SMS: variants seen among roughly 807,000 people sequenced by gnomAD.
SMS encodes the protein spermidine aminopropyltransferase.
In SMS, 3 loss-of-function variants were observed where a neutral mutation model predicts 33.0. The ratio of observed to expected loss-of-function variants is 0.09; its 90% CI spans 0.04 to 0.23. The LOEUF is 0.23. Ranked by LOEUF, SMS falls within the 10% of genes least tolerant of loss-of-function variation. The pLI, the probability that SMS is intolerant of heterozygous loss-of-function variation, is 1.00. For missense variants in SMS, 117 were observed against 288.6 expected, an observed-to-expected ratio of 0.41 and a Z score of 4.31; for synonymous variants, 103 against 112.2, an observed-to-expected ratio of 0.92 and a Z score of 0.52.
At chrX:21,971,743 G>A (rs374787819) in intron 2 of SMS, among the ~76,000 whole-genome samples, 154 bp from the exon 3 acceptor site, 3 of 111,403 alleles carry the variant, frequency 2.7e-5, no homozygotes, top group Admixed American at 9.5e-5. Flanking sequence ...CCCGCAAGAC[G>A]CAGCCCTAGT....
intron 1 of SMS, among the ~76,000 whole-genome samples, chrX:21,947,294 C>G (rs1479614720): frequency 9.0e-6 from 1 of 111,294 alleles, no homozygotes; most frequent in East Asian, 2.8e-4. Flanking sequence ...TGCAGCCTTT[C>G]GGGGCTGATG....
intron 1 of SMS, among the ~76,000 whole-genome samples, chrX:21,962,049 C>T (rs898257377): frequency 8.9e-5 from 10 of 112,130 alleles, no homozygotes; most frequent in African/African-American, 2.9e-4. Context: ...ACCTCAGGCT[C>T]GTTTTCACCT....
At chrX:21,959,811 G>C in intron 1 of SMS, 3 of 356,269 alleles carry the variant, frequency 8.4e-6, no homozygotes, top group Non-Finnish European at 1.1e-5. Flanking sequence ...TGGGGTTTAG[G>C]GGAAAGGATG....
chrX:21,974,198 C>T (rs1204766009), intron 4 of SMS, among the ~76,000 whole-genome samples: 1 of 112,565 alleles, frequency 8.9e-6, no homozygotes, highest in African/African-American at 3.2e-5. Context: ...AATTACTCAG[C>T]ATGCTAAGTT....
intron 9 of SMS, among the ~76,000 whole-genome samples, chrX:21,986,092 T>C (rs940006162): frequency 9.0e-6 from 1 of 110,731 alleles, no homozygotes; most frequent in African/African-American, 3.3e-5. Context: ...CTTACGCCTG[T>C]AATCCTAGCA....
At chrX:21,944,830 C>T (rs1922097724) in intron 1 of SMS, among the ~76,000 whole-genome samples, 1 of 110,871 alleles carries the variant, frequency 9.0e-6, no homozygotes, top group Non-Finnish European at 1.9e-5. Flanking sequence ...ATACAAAAAT[C>T]AGCCGGGTGT....
At chrX:21,973,897 G>A (rs1389150300) in intron 4 of SMS, among the ~76,000 whole-genome samples, 1 of 112,966 alleles carries the variant, frequency 8.9e-6, no homozygotes, top group Non-Finnish European at 1.9e-5. Flanking sequence ...AATGCAATTC[G>A]GACATCGTGG....
At chrX:21,989,431 A>G (rs1020279485) in intron 9 of SMS, among the ~76,000 whole-genome samples, 5 of 112,209 alleles carry the variant, frequency 4.5e-5, no homozygotes, top group African/African-American at 1.6e-4. Flanking sequence ...GATTACGGGT[A>G]AAAAAAGAAA....
chrX:21,971,603 A>G (rs1205923220), intron 2 of SMS, among the ~76,000 whole-genome samples: 3 of 112,222 alleles, frequency 2.7e-5, no homozygotes, highest in Non-Finnish European at 5.6e-5. Context: ...AAAATTACCT[A>G]GAGAACCTTT....
In SMS at chrX:21,948,877, A is replaced by G. The variant is rs756653943; in HGVS notation, c.49+8004A>G. The stretch of plus-strand genomic sequence containing the variant: ...GCACTGTGGCTCCGACCACCATTTC[A>G]TGGTATAGACTCAGTTCTTTTGAAA... On this transcript the variant is annotated intron_variant, in intron 1 of 10. Coordinates refer to ENST00000404933, the MANE Select transcript of SMS (RefSeq NM_004595.5). Among the ~76,000 whole-genome samples the G allele has an allele frequency of 4.5e-5, 5 of 112,206 alleles. No individual in the cohort carries two copies. The East Asian group carries it at 1.4e-3, about 31-fold the overall frequency.
intron 1 of SMS, among the ~76,000 whole-genome samples, chrX:21,954,743 C>G (rs1453304011): frequency 8.9e-6 from 1 of 112,006 alleles, no homozygotes; most frequent in Non-Finnish European, 1.9e-5. Context: ...TTTTTTTTGA[C>G]ATCACACAAT....
chrX:21,987,297 A>G (rs776625578), intron 9 of SMS, among the ~76,000 whole-genome samples: 2 of 112,155 alleles, frequency 1.8e-5, no homozygotes, highest in African/African-American at 6.5e-5. Context: ...GCGCCCAGCC[A>G]TGATGGGTAC....
rs1322121662 is a variant in SMS at position 21,977,198 on chromosome X, A to G, written c.467A>G (p.Lys156Arg). 3.3e-6 allele frequency: 4 copies of G among 1,208,417 alleles called. No individual in the cohort carries two copies. The highest frequency in any genetic ancestry group is 4.5e-6 in the Non-Finnish European group (4 of 892,216). The change falls in exon 5 of 11, where the codon AAG (lysine) becomes AGG (arginine). Residue 156 changes from lysine (K) to arginine (R), a missense_variant. Physicochemically the swap from Lys to Arg is conservative, Grantham distance 26. This residue lies in a region of SMS where 69 missense variants were observed against 203.8 expected (regional missense o/e 0.34). Transcript: ENST00000404933. ...CAAAATATAAAAATTCTACACTCGA[A>G]GCAGTTTGGAAATATTCTCATCCTT... ...PYQNIKILHSKQFGNILILSG... is the reference protein window; with the variant it reads ...PYQNIKILHSRQFGNILILSG...
At chrX:21,972,333 A>G (rs1433394818) in intron 3 of SMS, among the ~76,000 whole-genome samples, 174 bp from the exon 4 acceptor site, 1 of 111,402 alleles carries the variant, frequency 9.0e-6, no homozygotes, top group Non-Finnish European at 1.9e-5. Context: ...ATGAAGGGAT[A>G]GTTGGTATGG....
At chrX:21,992,461 A>T (rs1925820286) in intron 9 of SMS, 136 bp from the exon 10 acceptor site, 2 of 494,985 alleles carry the variant, frequency 4.0e-6, no homozygotes, top group Admixed American at 6.0e-5. Context: ...TTGTGAAAAT[A>T]CAGAAGCCTT....
intron 4 of SMS, 89 bp from the exon 5 acceptor site, chrX:21,976,972 T>G (rs1194862928): frequency 3.3e-6 from 3 of 903,427 alleles, no homozygotes; most frequent in East Asian, 6.2e-5. Context: ...TCGGCAGTCA[T>G]GTGGCTTTCT....
At chrX:21,952,881 G>A (rs1465097446) in intron 1 of SMS, among the ~76,000 whole-genome samples, 1 of 84,647 alleles carries the variant, frequency 1.2e-5, no homozygotes, top group Middle Eastern at 5.0e-3. Context: ...CTCCCGCCCC[G>A]CAAGGTAGTT....
intron 1 of SMS, among the ~76,000 whole-genome samples, chrX:21,947,762 A>C (rs777129666): frequency 9.0e-6 from 1 of 111,410 alleles, no homozygotes; most frequent in African/African-American, 3.3e-5. Context: ...CTCTGTATCA[A>C]CACATACAAG....
chrX:21,985,765 CTCTGAATTAT>C (rs1243316686), intron 9 of SMS, among the ~76,000 whole-genome samples: 1 of 111,776 alleles, frequency 8.9e-6, no homozygotes, highest in Non-Finnish European at 1.9e-5. Flanking sequence ...CACTCTGGAT[CTCTGAATTAT>C]TCTGAGTTTA....
Sources: allele counts gnomAD v4.1 joint callset (sites outside exome capture counted in the v4.1 genomes callset), GRCh38; gene constraint gnomAD v4.1.1; regional missense constraint gnomAD v4.1.1; transcripts MANE v1.5; gene names NCBI Gene and HGNC (gene_info 2026-07-23, HGNC 2026-07-21).